CPEB2: variants seen among roughly 807,000 people sequenced by gnomAD.
CPEB2 encodes the protein cytoplasmic polyadenylation element binding protein 2.
Under a neutral mutation model 93.6 loss-of-function variants are expected in CPEB2, and 56 were observed. The observed-to-expected ratio is 0.60, with a 90% CI of 0.48 to 0.75. The LOEUF (loss-of-function observed/expected upper bound fraction) is 0.75, where lower values mean the gene tolerates loss of function less well. Ranked by LOEUF, CPEB2 falls within the 30% of genes least tolerant of loss-of-function variation. CPEB2 has a pLI of 0.00. For synonymous variants in CPEB2, 764 were observed against 586.3 expected, an observed-to-expected ratio of 1.30 and a Z score of -4.38; for missense variants, 1,579 against 1,395.1, an observed-to-expected ratio of 1.13 and a Z score of -2.10.
chr4:15,010,752 AACATTTT>A (rs1468018198), intron 3 of CPEB2, among the ~76,000 whole-genome samples: 1 of 152,184 alleles, frequency 6.6e-6, no homozygotes, highest in Admixed American at 6.5e-5. Flanking sequence ...ATTATTTTAC[AACATTTT>A]ACTTTTTATT....
chr4:15,002,997 G>A lies in CPEB2; in HGVS notation c.324G>A (p.Pro108=). ...LLGLTQQPAR[P]LSGAAATEKL... ...GGCTGACACAGCAGCCGGCGCGGCC[G>A]CTTTCGGGGGCGGCGGCCACGGAGA... The change falls in exon 1 of 12, where the codon CCG becomes CCA. Residue 108 remains proline (P), a synonymous_variant. Transcript: ENST00000538197. The A allele has an allele frequency of 1.3e-6, 2 of 1,496,378 alleles. 1 individual carries two copies. The highest frequency in any genetic ancestry group is 2.5e-5 in the South Asian group (2 of 79,248). 92.7% of individuals were successfully genotyped at this position (1,496,378 alleles called of 1,614,324 possible). A position where few individuals can be genotyped will look rare whatever the true frequency, so the allele number is the denominator to read the frequency against.
intron 3 of CPEB2, among the ~76,000 whole-genome samples, chr4:15,012,799 C>A (rs371877646): frequency 6.6e-6 from 1 of 152,100 alleles, no homozygotes; most frequent in Non-Finnish European, 1.5e-5. Flanking sequence ...GTTCAAGCAT[C>A]TGCTAAATCA....
chr4:15,034,045 G>A (rs1296769115), intron 5 of CPEB2, among the ~76,000 whole-genome samples: 1 of 152,170 alleles, frequency 6.6e-6, no homozygotes, highest in Non-Finnish European at 1.5e-5. Context: ...GCTAGACTAT[G>A]TGAACTAATA....
chr4:15,009,969 T>C (rs1051839771), intron 3 of CPEB2, among the ~76,000 whole-genome samples: 2 of 152,216 alleles, frequency 1.3e-5, no homozygotes, highest in African/African-American at 4.8e-5. Context: ...AAATTTATTT[T>C]AGGAAAAATG....
At chr4:15,017,024 T>C (rs574565373) in intron 3 of CPEB2, among the ~76,000 whole-genome samples, 164 bp from the exon 4 acceptor site, 1 of 151,914 alleles carries the variant, frequency 6.6e-6, no homozygotes, top group Non-Finnish European at 1.5e-5. Flanking sequence ...GCAAGGAACA[T>C]TGTAGTTCAT....
At chr4:15,049,706 TA>T (rs1241665959) in intron 6 of CPEB2, among the ~76,000 whole-genome samples, 1 of 152,234 alleles carries the variant, frequency 6.6e-6, no homozygotes, top group Non-Finnish European at 1.5e-5. Context: ...TTTGAAAAGT[TA>T]AGCAATATTC....
chr4:15,052,751 A>G (rs1326535950), intron 7 of CPEB2, among the ~76,000 whole-genome samples, 167 bp downstream of exon 7: 1 of 152,198 alleles, frequency 6.6e-6, no homozygotes, highest in Non-Finnish European at 1.5e-5. Flanking sequence ...GAAATATGAA[A>G]GTAGTTGAAC....
At position 15,058,495 on chromosome 4, in the gene CPEB2, A is replaced by C; in HGVS notation, c.2536A>C (p.Lys846Gln). ...TGATGCTTGTATTGAAGAAGATGGAAAACTCTATCTGTGTGTTTCTAGCCC... is the reference window on the plus strand; with the variant it reads ...TGATGCTTGTATTGAAGAAGATGGACAACTCTATCTGTGTGTTTCTAGCCC... ...LIDACIEEDG[K>Q]LYLCVSSPTI... Residue 846 changes from lysine to glutamine, a missense_variant, in exon 9 of 12, where the codon AAA becomes CAA. Physicochemically the swap from Lys to Gln is moderately conservative, Grantham distance 53. This residue lies in a region of CPEB2 where 168 missense variants were observed against 339.1 expected (regional missense o/e 0.50). Transcript: ENST00000538197. 6.2e-7 allele frequency: 1 copy of C among 1,611,940 alleles called. No individual in the cohort carries two copies. Among genetic ancestry groups the C allele is most frequent in the Non-Finnish European group, 8.5e-7 (1 of 1,178,160 alleles).
chr4:15,013,073 T>C (rs1417593239), intron 3 of CPEB2, among the ~76,000 whole-genome samples: 1 of 152,058 alleles, frequency 6.6e-6, no homozygotes, highest in Non-Finnish European at 1.5e-5. Flanking sequence ...AGGTTATCTT[T>C]TTTCAAGATT....
intron 8 of CPEB2, among the ~76,000 whole-genome samples, chr4:15,056,324 T>G (rs1728709706): frequency 6.6e-6 from 1 of 152,072 alleles, no homozygotes; most frequent in African/African-American, 2.4e-5. Flanking sequence ...TAAAAAGGAA[T>G]TAGAAATTGT....
chr4:15,017,285 G>T lies in CPEB2; in HGVS notation c.2125+7G>T. ...GAGCATGATCCTCTTAAGGGTAGGT[G>T]ACTTTTTAAAAAAATATATGTTTAT... is the stretch of plus-strand genomic sequence containing the variant. On this transcript the variant is annotated splice_region_variant and intron_variant, in intron 4 of 11. Transcript: ENST00000538197. 6.6e-7 allele frequency: 1 copy of T among 1,511,540 alleles called. No individual in the cohort carries two copies. Among genetic ancestry groups the T allele is most frequent in the South Asian group, 1.2e-5 (1 of 84,422 alleles). 93.6% of individuals were successfully genotyped at this position (1,511,540 alleles called of 1,614,324 possible). A position where few individuals can be genotyped will look rare whatever the true frequency, so the allele number is the denominator to read the frequency against.
chr4:15,043,610 G>A (rs1034424609), intron 6 of CPEB2, among the ~76,000 whole-genome samples: 7 of 152,010 alleles, frequency 4.6e-5, no homozygotes, highest in East Asian at 1.9e-4. Context: ...ATTTAAGTTC[G>A]ATCCTTTCAA....
chr4:15,010,107 A>G (rs1723283023), intron 3 of CPEB2, among the ~76,000 whole-genome samples: 6 of 152,180 alleles, frequency 3.9e-5, no homozygotes, highest in Admixed American at 3.9e-4. Context: ...GAGATAATGG[A>G]AAGTGAATGG....
chr4:15,011,837 C>T (rs1188205968), intron 3 of CPEB2, among the ~76,000 whole-genome samples: 1 of 152,110 alleles, frequency 6.6e-6, no homozygotes, highest in Non-Finnish European at 1.5e-5. Context: ...GTCCGCCTGC[C>T]TTCCACCTGG....
chr4:15,009,440 T>C (rs1577363944), intron 3 of CPEB2, among the ~76,000 whole-genome samples: 1 of 152,244 alleles, frequency 6.6e-6, no homozygotes, highest in African/African-American at 2.4e-5. Flanking sequence ...AGTTACTTCA[T>C]GCAATTTGCA....
chr4:15,058,525 A>T lies in CPEB2; in HGVS notation c.2566A>T (p.Ile856Phe). ...KLYLCVSSPT[I>F]KDKPVQIRPW... The stretch of plus-strand genomic sequence containing the variant: ...CTATCTGTGTGTTTCTAGCCCTACT[A>T]TCAAGGACAAACCAGTAAGTAAATA... The change falls in exon 9 of 12, where the codon ATC (isoleucine) becomes TTC (phenylalanine). Residue 856 changes from isoleucine (I) to phenylalanine (F), a missense_variant. Around this residue, in one of 2 missense-constraint regions of CPEB2, gnomAD observed 168 missense variants for 339.1 expected, o/e 0.50. Transcript: ENST00000538197. The T allele has an allele frequency of 1.3e-6, 2 of 1,596,618 alleles. No individual in the cohort carries two copies. The highest frequency in any genetic ancestry group is 1.7e-6 in the Non-Finnish European group (2 of 1,165,154).
intron 10 of CPEB2, 37 bp downstream of exon 10, chr4:15,059,338 A>G (rs748284329): frequency 1.1e-5 from 14 of 1,288,162 alleles, no homozygotes; most frequent in Non-Finnish European, 1.5e-5. Flanking sequence ...TAAAAAAATC[A>G]TTTAAATATG....
chr4:15,040,559 C>T, intron 6 of CPEB2, 72 bp downstream of exon 6: 3 of 1,332,806 alleles, frequency 2.3e-6, no homozygotes, highest in Non-Finnish European at 3.1e-6. Flanking sequence ...TAATTAATTA[C>T]TCTAGATTTT....
chr4:15,047,744 T>G lies in CPEB2; in HGVS notation c.2201-4670T>G, dbSNP rs550279103. Among the ~76,000 whole-genome samples, 4 of 152,158 alleles carry G rather than the reference T, an allele frequency of 2.6e-5. No individual in the cohort carries two copies. In the South Asian group the frequency reaches 8.3e-4, roughly 32 times the overall value. On this transcript the variant is annotated intron_variant, in intron 6 of 11. Transcript: ENST00000538197. ...TATTTTTTTCATCTTCTTTGATTTG[T>G]TGTACCTCCAGTAGTACAATGCTGA...
Sources: allele counts gnomAD v4.1 joint callset (sites outside exome capture counted in the v4.1 genomes callset), GRCh38; gene constraint gnomAD v4.1.1; regional missense constraint gnomAD v4.1.1; transcripts MANE v1.5; gene names NCBI Gene and HGNC (gene_info 2026-07-23, HGNC 2026-07-21).